The following COL6A3 variants were observed in gnomAD, a reference collection of about 807,000 sequenced individuals.
COL6A3 encodes the protein collagen type VI alpha 3 chain.
A neutral mutation model predicts 274.1 loss-of-function variants in COL6A3; 137 were observed. The ratio of observed to expected loss-of-function variants is 0.50; its 90% confidence interval spans 0.44 to 0.58. COL6A3 has a LOEUF of 0.58. Ranked by LOEUF, COL6A3 falls within the 20% of genes least tolerant of loss-of-function variation. The pLI is 0.00. For missense variants in COL6A3, 3,950 were observed against 4,124.9 expected (o/e 0.96, Z 1.16); for synonymous variants, 1,650 against 1,650.6 (o/e 1.00, Z 0.01).
chr2:237,408,576 T>G (rs1057212640), intron 1 of COL6A3, among the ~76,000 whole-genome samples: 1 of 152,228 alleles, frequency 6.6e-6, no homozygotes, highest in African/African-American at 2.4e-5. Flanking sequence ...CCAGCTGCTG[T>G]TCAATTTTTA....
intron 1 of COL6A3, among the ~76,000 whole-genome samples, chr2:237,409,852 G>A (rs1425061744): frequency 2.6e-5 from 4 of 152,098 alleles, no homozygotes; most frequent in East Asian, 3.8e-4. Flanking sequence ...TCAAGCACCC[G>A]ACTGTTCATT....
chr2:237,358,328 A>G (rs532166191), intron 21 of COL6A3, among the ~76,000 whole-genome samples, 193 bp downstream of exon 21: 1 of 152,364 alleles, frequency 6.6e-6, no homozygotes, highest in South Asian at 2.1e-4. Flanking sequence ...CAGGACTTGC[A>G]AATGATTATC....
At position 237,371,576 on chromosome 2, in the gene COL6A3, C is replaced by A. The variant is rs894904280; in HGVS notation, c.4285+156G>T. The A allele has an allele frequency of 6.8e-7, 1 of 1,463,880 alleles. No homozygotes were observed. Among genetic ancestry groups the A allele is most frequent in the South Asian group, 1.5e-5 (1 of 67,414 alleles). 90.7% of individuals were successfully genotyped at this position (1,463,880 alleles called of 1,614,324 possible). A position where few individuals can be genotyped will look rare whatever the true frequency, so the allele number is the denominator to read the frequency against. ...TCATGCCACTGCACTCCAGCCTGGA[C>A]GACAGAGCCAGACCCTGTCTCAAAA... On this transcript the variant is annotated intron_variant, in intron 9 of 43. Transcript: ENST00000295550. The surrounding 1 kb of genome is among the most constrained non-coding windows in gnomAD (Gnocchi z 4.3).
At chr2:237,401,397 T>C (rs2078586017) in intron 1 of COL6A3, among the ~76,000 whole-genome samples, 1 of 152,180 alleles carries the variant, frequency 6.6e-6, no homozygotes, top group African/African-American at 2.4e-5. Context: ...CAGTGTTTTA[T>C]AGTTTTTAGT....
At chr2:237,332,070 C>T (rs1235717538) in intron 42 of COL6A3, among the ~76,000 whole-genome samples, 22 of 35,166 alleles carry the variant, frequency 6.3e-4, no homozygotes, top group South Asian at 2.0e-3. Context: ...TCTCTCTCTA[C>T]ATATATATAT....
chr2:237,377,611 C>T (rs1259383370), intron 6 of COL6A3, among the ~76,000 whole-genome samples: 1 of 152,146 alleles, frequency 6.6e-6, no homozygotes, highest in Non-Finnish European at 1.5e-5. Context: ...AGGGAAAAGC[C>T]CCACTGGGTT....
Position 237,340,991 on chromosome 2 carries a change from A to G in COL6A3, c.7925T>C (p.Ile2642Thr). 1 of 1,614,130 alleles carries G rather than the reference A, an allele frequency of 6.2e-7. No individual in the cohort carries two copies. The highest frequency in any genetic ancestry group is 8.5e-7 in the Non-Finnish European group (1 of 1,180,018). The change falls in exon 38 of 44, where the codon ATA (isoleucine) becomes ACA (threonine). Residue 2642 changes from isoleucine to threonine, a missense_variant. Ile to Thr is a moderately conservative substitution (Grantham distance 89). Transcript: ENST00000295550. ...LFQFNEMKKY[I>T]AYLVRQLDMS... is the part of the protein sequence containing the mutation. Reference sequence around the variant, plus strand: ...GTCCAGTTGTCTGACCAGGTACGCTATGTACTTCTTCATCTCATTGAACTG... The same window carrying G: ...GTCCAGTTGTCTGACCAGGTACGCTGTGTACTTCTTCATCTCATTGAACTG...
chr2:237,359,372 G>A lies in COL6A3; in HGVS notation c.6299C>T (p.Pro2100Leu). 1.2e-6 allele frequency: 2 copies of A among 1,613,904 alleles called. No homozygotes were observed. Among genetic ancestry groups the A allele is most frequent in the Non-Finnish European group, 1.7e-6 (2 of 1,179,968 alleles). The change falls in exon 18 of 44, where the codon CCA (proline) becomes CTA (leucine). Residue 2100 changes from proline to leucine, a missense_variant. Transcript: ENST00000295550. ...QRGVKGSRGF[P>L]GEKGEVGEIG... ...ACCAAGCTTGCATACCTTCTCTCCT[G>A]GGAATCCCCGAGAGCCCTAGAAGGC...
Position 237,364,263 on chromosome 2 carries a change from A to G in COL6A3, c.5917+87T>C, listed in dbSNP as rs532645095. ...CAACGCTGCTCCCTTGGGGCGCTGC[A>G]TTAGCAGAGAGGTTTCTCTCCAGCA... On this transcript the variant is annotated intron_variant, in intron 13 of 43. Coordinates refer to ENST00000295550, the MANE Select transcript of COL6A3 (RefSeq NM_004369.4). This position sits in a 1 kb window ranked among gnomAD's most constrained non-coding sequence, Gnocchi z 4.6. 1.6e-5 allele frequency: 17 copies of G among 1,061,624 alleles called. No individual in the cohort carries two copies. In the East Asian group the frequency reaches 4.0e-4, roughly 25 times the overall value. The allele number at this position is 1,061,624 out of a possible 1,614,324, so 65.8% of individuals were successfully genotyped here. A position where few individuals can be genotyped will look rare whatever the true frequency, so the allele number is the denominator to read the frequency against.
chr2:237,338,976 A>G (rs1305784124), intron 39 of COL6A3, 39 bp downstream of exon 39: 2 of 1,532,258 alleles, frequency 1.3e-6, no homozygotes, highest in South Asian at 1.1e-5. Context: ...CATTCCCTGC[A>G]GCGCTACAAT....
In COL6A3 at chr2:237,379,349, A is replaced by G. The variant is rs1200228369; in HGVS notation, c.1898-114T>C. The G allele has an allele frequency of 4.0e-6, 5 of 1,249,096 alleles. No homozygotes were observed. In the African/African-American group the frequency reaches 6.0e-5, roughly 15 times the overall value. The allele number at this position is 1,249,096 out of a possible 1,614,324, so 77.4% of individuals were successfully genotyped here. A position where few individuals can be genotyped will look rare whatever the true frequency, so the allele number is the denominator to read the frequency against. On this transcript the variant is annotated intron_variant, in intron 5 of 43. Transcript: ENST00000295550. The stretch of plus-strand genomic sequence containing the variant: ...CATTTAGAACACAGAGAAAGTCAGC[A>G]TGGCAAAGCATGTCCATCTTGTAAA...
intron 1 of COL6A3, among the ~76,000 whole-genome samples, chr2:237,400,423 G>C (rs1252681125): frequency 6.6e-6 from 1 of 152,016 alleles, no homozygotes; most frequent in Non-Finnish European, 1.5e-5. Context: ...GTTTATACAA[G>C]ACTTTGGAAA....
intron 4 of COL6A3, 113 bp from the exon 5 acceptor site, chr2:237,381,612 C>T (rs1374456783): frequency 2.0e-5 from 18 of 907,690 alleles, no homozygotes; most frequent in South Asian, 1.7e-4. Context: ...CTGTGGCCAA[C>T]GTGACCACAG....
At chr2:237,335,322 T>A (rs1700483070) in intron 40 of COL6A3, among the ~76,000 whole-genome samples, 1 of 152,230 alleles carries the variant, frequency 6.6e-6, no homozygotes, top group Admixed American at 6.5e-5. Context: ...ATAATTTCCA[T>A]TTTATCATGA....
chr2:237,381,593 C>T (rs2078008213), intron 4 of COL6A3, 94 bp from the exon 5 acceptor site: 1 of 1,075,840 alleles, frequency 9.3e-7, no homozygotes, highest in South Asian at 1.3e-5. Flanking sequence ...TAAAGGACAC[C>T]CTCATTTACT....
Position 237,377,000 on chromosome 2 carries a change from C to T in COL6A3, c.2842G>A (p.Val948Ile), listed in dbSNP as rs763275388. 5 of 1,614,218 alleles carry T rather than the reference C, an allele frequency of 3.1e-6. No homozygotes were observed. Among genetic ancestry groups the T allele is most frequent in the Middle Eastern group, 3.3e-4 (2 of 6,062 alleles). Residue 948 changes from valine (V) to isoleucine (I), a missense_variant, in exon 7 of 44, where the codon GTC becomes ATC. By Grantham distance (29) the Val-to-Ile change is conservative (BLOSUM62 3). Around this residue, in one of 5 missense-constraint regions of COL6A3, gnomAD observed 1,934 missense variants for 1,984.3 expected, o/e 0.97. Coordinates refer to ENST00000295550, the MANE Select transcript of COL6A3 (RefSeq NM_004369.4). Reference protein sequence around the residue: ...DGVLQFLVLLVAGRSSDRVDG... With the variant: ...DGVLQFLVLLIAGRSSDRVDG... ...ACACGGTCAGATGACCTTCCTGCGACCAGCAGCACCAGGAACTGAAGCACT... is the reference window on the plus strand; with the variant it reads ...ACACGGTCAGATGACCTTCCTGCGATCAGCAGCACCAGGAACTGAAGCACT...
intron 42 of COL6A3, chr2:237,328,795 T>A (rs1700081352): frequency 6.6e-6 from 1 of 152,194 alleles, no homozygotes; most frequent in Non-Finnish European, 1.5e-5. Flanking sequence ...ATGTAAGTAC[T>A]TCCTTGAGCA....
chr2:237,339,253 CA>C, intron 38 of COL6A3, 136 bp from the exon 39 acceptor site: 1 of 691,166 alleles, frequency 1.4e-6, no homozygotes. Context: ...CTATATCAGA[CA>C]AACTATGTCC....
chr2:237,381,127 A>G lies in COL6A3; in HGVS notation c.1685T>C (p.Leu562Pro). 1 of 1,614,256 alleles carries G rather than the reference A, an allele frequency of 6.2e-7. No individual in the cohort carries two copies. The highest frequency in any genetic ancestry group is 8.5e-7 in the Non-Finnish European group (1 of 1,180,044). The change falls in exon 5 of 44, where the codon CTA becomes CCA. Residue 562 changes from leucine to proline, a missense_variant. Transcript: ENST00000295550. ...CTGGGCAGGCTGGCTGATTTCATCTAGGGACTTACCACCTGTGATCAGCAC... is the reference window on the plus strand; with the variant it reads ...CTGGGCAGGCTGGCTGATTTCATCTGGGGACTTACCACCTGTGATCAGCAC... ...LLVLITGGKS[L>P]DEISQPAQEL... is the part of the protein sequence containing the mutation.
Sources: gnomAD v4.1 joint callset for allele counts (sites outside exome capture counted in the v4.1 genomes callset) on GRCh38, gnomAD v4.1.1 for gene constraint, gnomAD v4.1.1 regional missense constraint, Gnocchi (gnomAD v3.1) non-coding constraint, MANE v1.5 for transcripts, NCBI Gene and HGNC (gene_info 2026-07-23, HGNC 2026-07-21) for gene names.